Variants in ABCA13 observed in about 807,000 individuals in gnomAD.
ABCA13 encodes ATP-binding cassette sub-family A member 13.
In ABCA13, 476 loss-of-function variants were observed where a neutral mutation model predicts 478.7. The ratio of observed to expected loss-of-function variants is 0.99; its 90% CI spans 0.92 to 1.07. ABCA13 has a LOEUF of 1.07. Among genes scored for constraint, ABCA13 ranks in the 50% least tolerant of loss-of-function variants. ABCA13 has a pLI of 0.00. For missense variants in ABCA13, 6,060 were observed against 5,910.6 expected (o/e 1.03, Z -0.83); for synonymous variants, 2,252 against 2,158.9 (o/e 1.04, Z -1.20).
intron 54 of ABCA13, 56 bp downstream of exon 54, chr7:48,524,496 A>G: frequency 6.9e-7 from 1 of 1,456,628 alleles, no homozygotes; most frequent in Non-Finnish European, 9.3e-7. Flanking sequence ...CAACTCTAGT[A>G]GCTGATCTGC....
intron 27 of ABCA13, among the ~76,000 whole-genome samples, chr7:48,330,453 A>G (rs997799696): frequency 6.7e-6 from 1 of 150,178 alleles, no homozygotes; most frequent in Non-Finnish European, 1.5e-5. Context: ...CCATCTATTC[A>G]TCTATTCATT....
At position 48,279,667 on chromosome 7, in the gene ABCA13, C is replaced by T; in HGVS notation, c.8473C>T (p.Leu2825Phe). The T allele has an allele frequency of 1.9e-6, 3 of 1,613,498 alleles. No individual in the cohort carries two copies. The highest frequency in any genetic ancestry group is 2.5e-6 in the Non-Finnish European group (3 of 1,179,740). ...AIHNVLSRIA[L>F]WRKGLLFNNS... The stretch of plus-strand genomic sequence containing the variant: ...CCATAATGTTTTAAGTAGAATAGCT[C>T]TCTGGAGGAAAGGACTTCTGTTTAA... The change falls in exon 18 of 62, where the codon CTC becomes TTC. Residue 2825 changes from leucine (L) to phenylalanine (F), a missense_variant. By Grantham distance (22) the Leu-to-Phe change is conservative. Around this residue, in one of 3 missense-constraint regions of ABCA13, gnomAD observed 4,423 missense variants for 4,309.1 expected, o/e 1.03. Coordinates refer to ENST00000435803, the MANE Select transcript of ABCA13 (RefSeq NM_152701.5).
At chr7:48,172,797 CAAAAAAAAAAAAAAAAAAAAA>C (rs36196847) in intron 1 of ABCA13, among the ~76,000 whole-genome samples, 7 of 75,542 alleles carry the variant, frequency 9.3e-5, no homozygotes, top group African/African-American at 3.2e-4. Context: ...GACTCCGTCT[CAAAAAAAAAAAAAAAAAAAAA>C]AAAAAAAAAA....
intron 27 of ABCA13, among the ~76,000 whole-genome samples, chr7:48,334,962 C>T (rs543737183): frequency 2.0e-4 from 31 of 152,236 alleles, no homozygotes; most frequent in African/African-American, 7.0e-4. Context: ...TTTTCTGATA[C>T]CAAATTATTT....
At chr7:48,552,439 C>G (rs138069399) in intron 55 of ABCA13, among the ~76,000 whole-genome samples, 1 of 151,818 alleles carries the variant, frequency 6.6e-6, no homozygotes, top group East Asian at 1.9e-4. Flanking sequence ...GTAGAATTCT[C>G]TCTGCTTACT....
chr7:48,594,830 C>G lies in ABCA13; in HGVS notation c.14744+17C>G. ...CTCCCACAGGTGAGTTCCAGTTTCT[C>G]TTGTAGCCATTTCCTGATAAGACTG... is the stretch of plus-strand genomic sequence containing the variant. On this transcript the variant is annotated intron_variant, in intron 58 of 61. Transcript: ENST00000435803. 6.2e-7 allele frequency: 1 copy of G among 1,607,544 alleles called. No homozygotes were observed. Among genetic ancestry groups the G allele is most frequent in the Non-Finnish European group, 8.5e-7 (1 of 1,174,190 alleles).
rs77956646 is a variant in ABCA13 at position 48,516,605 on chromosome 7, G to T, written c.13641-120G>T. On this transcript the variant is annotated intron_variant, in intron 51 of 61. Coordinates refer to ENST00000435803, the MANE Select transcript of ABCA13 (RefSeq NM_152701.5). ...ATGGGGAAAAACATAGTATATGTAGGATTCAGTAATATCTGCATTTTCAGG... is the reference window on the plus strand; with the variant it reads ...ATGGGGAAAAACATAGTATATGTAGTATTCAGTAATATCTGCATTTTCAGG... 186 of 968,334 alleles carry T rather than the reference G, an allele frequency of 1.9e-4. No homozygotes were observed. The East Asian group carries it at 4.5e-3, about 23-fold the overall frequency. 60.0% of individuals were successfully genotyped at this position (968,334 alleles called of 1,614,324 possible).
intron 59 of ABCA13, among the ~76,000 whole-genome samples, chr7:48,642,241 G>A (rs116172069): frequency 0.016 from 2,390 of 152,236 alleles, 52 homozygotes; most frequent in African/African-American, 0.053. Context: ...CTATGTCACT[G>A]AAACAAGGTC....
intron 31 of ABCA13, among the ~76,000 whole-genome samples, chr7:48,358,803 C>T (rs1810369906): frequency 6.6e-6 from 1 of 151,998 alleles, no homozygotes; most frequent in African/African-American, 2.4e-5. Flanking sequence ...CTTCCTCTAC[C>T]TAGTAAAATA....
chr7:48,369,885 G>A (rs949530518), intron 32 of ABCA13, among the ~76,000 whole-genome samples: 1 of 151,848 alleles, frequency 6.6e-6, no homozygotes, highest in Admixed American at 6.6e-5. Flanking sequence ...GTTATTTTTT[G>A]GTTCCATATG....
intron 38 of ABCA13, among the ~76,000 whole-genome samples, chr7:48,397,495 G>A (rs1385522507): frequency 1.3e-5 from 2 of 151,900 alleles, no homozygotes; most frequent in Non-Finnish European, 2.9e-5. Context: ...AAAAGAATAT[G>A]GTAGAGGCAC....
At chr7:48,576,854 A>G (rs1788237414) in intron 55 of ABCA13, among the ~76,000 whole-genome samples, 1 of 151,452 alleles carries the variant, frequency 6.6e-6, no homozygotes, top group African/African-American at 2.5e-5. Context: ...CAGCTTAACA[A>G]TAAAGAAATA....
intron 15 of ABCA13, among the ~76,000 whole-genome samples, chr7:48,254,392 T>C (rs1187075324): frequency 6.6e-6 from 1 of 152,140 alleles, no homozygotes; most frequent in Non-Finnish European, 1.5e-5. Context: ...GTCTCCCAAG[T>C]AGCTATGACA....
chr7:48,191,975 C>T (rs1440707979), intron 1 of ABCA13, among the ~76,000 whole-genome samples: 1 of 152,144 alleles, frequency 6.6e-6, no homozygotes, highest in Non-Finnish European at 1.5e-5. Flanking sequence ...GCATTCTTAG[C>T]CTGCAGATTT....
chr7:48,439,080 C>G (rs1823238030), intron 42 of ABCA13, among the ~76,000 whole-genome samples: 1 of 152,084 alleles, frequency 6.6e-6, no homozygotes, highest in African/African-American at 2.4e-5. Flanking sequence ...TAATAAATTA[C>G]CATCAACAGA....
At chr7:48,567,258 G>C (rs543290563) in intron 55 of ABCA13, among the ~76,000 whole-genome samples, 80 of 152,266 alleles carry the variant, frequency 5.3e-4, no homozygotes, top group African/African-American at 1.5e-3. Flanking sequence ...TGTGTTCGCA[G>C]AGTGCTGTAT....
intron 59 of ABCA13, among the ~76,000 whole-genome samples, chr7:48,616,395 C>G (rs1792573695): frequency 6.6e-6 from 1 of 152,080 alleles, no homozygotes; most frequent in Non-Finnish European, 1.5e-5. Context: ...TAAGTATCAT[C>G]AAAAGAAAAA....
intron 42 of ABCA13, among the ~76,000 whole-genome samples, chr7:48,432,618 A>G (rs1296060679): frequency 6.6e-6 from 1 of 152,174 alleles, no homozygotes; most frequent in African/African-American, 2.4e-5. Context: ...GCATATGTAC[A>G]TAGTAGAATA....
intron 59 of ABCA13, among the ~76,000 whole-genome samples, chr7:48,628,151 C>A (rs1029534423): frequency 1.3e-5 from 2 of 152,178 alleles, no homozygotes; most frequent in Non-Finnish European, 2.9e-5. Context: ...CTTCAGTTCT[C>A]TGCTCTACTG....
Sources: gnomAD v4.1 joint callset for allele counts (sites outside exome capture counted in the v4.1 genomes callset) on GRCh38, gnomAD v4.1.1 for gene constraint, gnomAD v4.1.1 regional missense constraint, MANE v1.5 for transcripts, NCBI Gene and HGNC (gene_info 2026-07-23, HGNC 2026-07-21) for gene names.